The following ABTB2 variants were observed in gnomAD, a reference collection of about 807,000 sequenced individuals.
ABTB2 encodes ankyrin repeat and BTB/POZ domain-containing protein 2.
A neutral mutation model predicts 104.1 loss-of-function variants in ABTB2; 56 were observed. The ratio of observed to expected loss-of-function variants is 0.54; its 90% CI spans 0.43 to 0.67. The LOEUF is 0.67. ABTB2 is among the 30% of genes least tolerant of loss of function. The probability of loss-of-function intolerance (pLI) is 0.00; values close to 1 mark genes in which losing one functional copy is unlikely to be tolerated. For synonymous variants in ABTB2, 606 were observed against 608.2 expected, an observed-to-expected ratio of 1.00 and a Z score of 0.05; for missense variants, 1,279 against 1,407.7, an observed-to-expected ratio of 0.91 and a Z score of 1.46.
intron 3 of ABTB2, among the ~76,000 whole-genome samples, chr11:34,174,306 C>G (rs1395286413): frequency 7.5e-6 from 1 of 133,924 alleles, no homozygotes; most frequent in Non-Finnish European, 1.5e-5. Context: ...GCCTGGGCGA[C>G]AGGGCGAGAC....
At chr11:34,233,420 A>G (rs1211780366) in intron 1 of ABTB2, among the ~76,000 whole-genome samples, 1 of 149,784 alleles carries the variant, frequency 6.7e-6, no homozygotes, top group African/African-American at 2.5e-5. Context: ...TCCGCCTCCC[A>G]GGTCACTGCA....
intron 1 of ABTB2, among the ~76,000 whole-genome samples, chr11:34,229,988 CCT>C (rs1488515714): frequency 6.6e-6 from 1 of 152,150 alleles, no homozygotes; most frequent in African/African-American, 2.4e-5. Flanking sequence ...TGTTCACGTT[CCT>C]CTCTTCTGAA....
In ABTB2 at chr11:34,357,530, G is replaced by A; in HGVS notation, c.54C>T (p.Asp18=). 6.5e-7 allele frequency: 1 copy of A among 1,538,086 alleles called. No individual in the cohort carries two copies. Among genetic ancestry groups the A allele is most frequent in the Non-Finnish European group, 8.7e-7 (1 of 1,146,350 alleles). Residue 18 remains aspartate, a synonymous_variant, in exon 1 of 17, where the codon GAC becomes GAT. Coordinates refer to ENST00000435224, the MANE Select transcript of ABTB2 (RefSeq NM_145804.3). ...ACGAGTCCCCGGCCCCATACCCGGAGTCCAAGGTCAAGTCCTCCAGCGTCT... is the reference window on the plus strand; with the variant it reads ...ACGAGTCCCCGGCCCCATACCCGGAATCCAAGGTCAAGTCCTCCAGCGTCT... ...TLKTLEDLTL[D]SGYGAGDSCR... is the part of the protein sequence containing the mutation.
At chr11:34,266,855 G>C (rs1854257454) in intron 1 of ABTB2, among the ~76,000 whole-genome samples, 1 of 151,230 alleles carries the variant, frequency 6.6e-6, no homozygotes, top group Non-Finnish European at 1.5e-5. Context: ...GTAGAGGAGA[G>C]ATGGGGGCCA....
chr11:34,288,713 C>G (rs1724713551), intron 1 of ABTB2, among the ~76,000 whole-genome samples: 1 of 149,610 alleles, frequency 6.7e-6, no homozygotes, highest in African/African-American at 2.5e-5. Context: ...TCCAAGGTCA[C>G]TCTCCTGCAG....
At chr11:34,161,166 T>A (rs1736603350) in intron 10 of ABTB2, 85 bp from the exon 11 acceptor site, 2 of 1,352,102 alleles carry the variant, frequency 1.5e-6, no homozygotes, top group Admixed American at 2.6e-5. Context: ...GGGCAGACTC[T>A]CTCGGGATGC....
chr11:34,218,633 T>A (rs564627963), intron 1 of ABTB2, among the ~76,000 whole-genome samples: 1 of 152,136 alleles, frequency 6.6e-6, no homozygotes, highest in South Asian at 2.1e-4. Context: ...GCAGATCACC[T>A]GAGGTCGGGA....
chr11:34,234,186 C>G (rs79182613), intron 1 of ABTB2, among the ~76,000 whole-genome samples: 3,981 of 152,214 alleles, frequency 0.026, 182 homozygotes, highest in African/African-American at 0.093. Flanking sequence ...AGGGTAAGAG[C>G]GTCTCCCTGG....
intron 2 of ABTB2, among the ~76,000 whole-genome samples, chr11:34,201,880 C>A (rs555338215): frequency 6.6e-6 from 1 of 152,152 alleles, no homozygotes; most frequent in African/African-American, 2.4e-5. Flanking sequence ...AAATCCTAGG[C>A]GAGTTTTAGG....
At chr11:34,239,550 C>T (rs918757152) in intron 1 of ABTB2, among the ~76,000 whole-genome samples, 1 of 151,996 alleles carries the variant, frequency 6.6e-6, no homozygotes, top group Non-Finnish European at 1.5e-5. Context: ...AGACTGGTCT[C>T]GAACTCCTGA....
chr11:34,327,181 T>C (rs1246030687), intron 1 of ABTB2, among the ~76,000 whole-genome samples: 1 of 152,226 alleles, frequency 6.6e-6, no homozygotes, highest in Non-Finnish European at 1.5e-5. Flanking sequence ...TCACTTGGAA[T>C]ACGATATAGG....
At chr11:34,272,716 A>AAAAAAAAAAAC (rs1854332675) in intron 1 of ABTB2, among the ~76,000 whole-genome samples, 1 of 149,602 alleles carries the variant, frequency 6.7e-6, no homozygotes, top group African/African-American at 2.5e-5. Flanking sequence ...CAAAAAAAAA[A>AAAAAAAAAAAC]AAAAAAAAAA....
At chr11:34,175,980 AC>A (rs991195257) in intron 3 of ABTB2, among the ~76,000 whole-genome samples, 7 of 148,286 alleles carry the variant, frequency 4.7e-5, no homozygotes, top group Non-Finnish European at 6.0e-5. Flanking sequence ...CTCTCTCCCC[AC>A]CCCCCCAAAA....
chr11:34,153,601 C>T (rs1852579250), intron 16 of ABTB2, among the ~76,000 whole-genome samples: 1 of 152,178 alleles, frequency 6.6e-6, no homozygotes, highest in Non-Finnish European at 1.5e-5. Flanking sequence ...GCCTCATCCT[C>T]CCAAAGTACT....
rs1445364632 is a variant in ABTB2, at chr11:34,283,242, A to G, written c.883+73459T>C. ...CATCTTTTTCTTTTTTTGAGATGGA[A>G]TCTCGCTCTGTAACCCAGGCTGGAG... On this transcript the variant is annotated intron_variant, in intron 1 of 16. Coordinates refer to ENST00000435224, the MANE Select transcript of ABTB2 (RefSeq NM_145804.3). Among the ~76,000 whole-genome samples the G allele has an allele frequency of 1.1e-4, 15 of 135,140 alleles. 1 individual carries two copies. The highest frequency in any genetic ancestry group is 1.0e-3 in the Admixed American group (14 of 13,616). 88.7% of individuals were successfully genotyped at this position (135,140 alleles called of 152,430 possible). A position where few individuals can be genotyped will look rare whatever the true frequency, so the allele number is the denominator to read the frequency against.
chr11:34,235,963 C>T (rs1451579503), intron 1 of ABTB2, among the ~76,000 whole-genome samples: 1 of 152,222 alleles, frequency 6.6e-6, no homozygotes, highest in Non-Finnish European at 1.5e-5. Flanking sequence ...CAGCGCCTAG[C>T]TTCCCTGCTG....
At chr11:34,211,027 T>G (rs1326869332) in intron 1 of ABTB2, among the ~76,000 whole-genome samples, 2 of 152,242 alleles carry the variant, frequency 1.3e-5, no homozygotes, top group Non-Finnish European at 2.9e-5. Context: ...TATATATTAG[T>G]CATGCCAGAA....
chr11:34,335,206 G>GACGTCCT, intron 1 of ABTB2: 1 of 1,269,286 alleles, frequency 7.9e-7, no homozygotes, highest in Non-Finnish European at 1.2e-6. Flanking sequence ...CAGAGACTAT[G>GACGTCCT]ACGAATCACT....
chr11:34,160,586 G>T (rs796241211), intron 11 of ABTB2, among the ~76,000 whole-genome samples: 1 of 150,774 alleles, frequency 6.6e-6, no homozygotes, highest in Non-Finnish European at 1.5e-5. Flanking sequence ...GCCAGGCAGC[G>T]CAAGTCTAAG....
Sources: allele counts gnomAD v4.1 joint callset (sites outside exome capture counted in the v4.1 genomes callset), GRCh38; gene constraint gnomAD v4.1.1; transcripts MANE v1.5; gene names NCBI Gene and HGNC (gene_info 2026-07-23, HGNC 2026-07-21).